The following SORCS1 variants were observed in gnomAD, a reference collection of about 807,000 sequenced individuals.
SORCS1 encodes the protein sortilin related VPS10 domain containing receptor 1, also known as VPS10 domain-containing receptor SorCS1.
A neutral mutation model predicts 146.1 loss-of-function variants in SORCS1; 60 were observed. The observed-to-expected ratio is 0.41, with a 90% CI of 0.33 to 0.51. The LOEUF (loss-of-function observed/expected upper bound fraction) is 0.51. Ranked by LOEUF, SORCS1 falls within the 20% of genes least tolerant of loss-of-function variation. The probability of loss-of-function intolerance (pLI) is 0.21; values close to 1 mark genes in which losing one functional copy is unlikely to be tolerated. For missense variants in SORCS1, 1,352 were observed against 1,487.6 expected, an observed-to-expected ratio of 0.91 and a Z score of 1.50; for synonymous variants, 637 against 584.0, an observed-to-expected ratio of 1.09 and a Z score of -1.31.
intron 3 of SORCS1, among the ~76,000 whole-genome samples, chr10:106,821,934 A>C (rs1012064114): frequency 3.3e-5 from 5 of 152,072 alleles, no homozygotes; most frequent in African/African-American, 9.7e-5. Flanking sequence ...AAAAATAAAA[A>C]AAAAAAAAAG....
At chr10:106,802,587 C>T (rs1049446540) in intron 3 of SORCS1, among the ~76,000 whole-genome samples, 1 of 152,106 alleles carries the variant, frequency 6.6e-6, no homozygotes, top group Non-Finnish European at 1.5e-5. Flanking sequence ...CAATCTCCGC[C>T]TCCCAGGTTC....
intron 1 of SORCS1, among the ~76,000 whole-genome samples, chr10:107,121,261 C>T (rs181742708): frequency 1.3e-5 from 2 of 152,168 alleles, no homozygotes; most frequent in Non-Finnish European, 2.9e-5. Flanking sequence ...AAATATAATC[C>T]CTCTCTGTCA....
rs11193224 is a variant in SORCS1 at position 107,159,031 on chromosome 10, A to C, written c.558+4938T>G. 6.0e-3 allele frequency among the ~76,000 whole-genome samples: 916 copies of C among 152,136 alleles called. 6 individuals carry two copies. The highest frequency in any genetic ancestry group is 0.011 in the Non-Finnish European group (719 of 68,014). On this transcript the variant is annotated intron_variant, in intron 1 of 25. Coordinates refer to ENST00000263054, the MANE Select transcript of SORCS1 (RefSeq NM_052918.5). Reference sequence around the variant, plus strand: ...TTTTTTGGGGGGGAAGGGGGGTCCAAAGTTAGCAAGTTCCTTAACATGAAG... The same window carrying C: ...TTTTTTGGGGGGGAAGGGGGGTCCACAGTTAGCAAGTTCCTTAACATGAAG...
intron 23 of SORCS1, 141 bp downstream of exon 23, chr10:106,607,025 C>T (rs1162185350): frequency 8.9e-7 from 1 of 1,122,372 alleles, no homozygotes; most frequent in Non-Finnish European, 1.3e-6. Context: ...ACTAATACAC[C>T]TACCATGAAT....
At chr10:106,894,270 C>CGTGTGT (rs3982431) in intron 2 of SORCS1, among the ~76,000 whole-genome samples, 164 of 141,550 alleles carry the variant, frequency 1.2e-3, no homozygotes, top group African/African-American at 2.7e-3. Context: ...CGCACGTGTG[C>CGTGTGT]GTGTGTGTGT....
chr10:106,866,888 T>G (rs1263195932), intron 2 of SORCS1, among the ~76,000 whole-genome samples: 4 of 152,222 alleles, frequency 2.6e-5, no homozygotes, highest in African/African-American at 9.6e-5. Flanking sequence ...AACACCCACA[T>G]GCAGAGATGA....
chr10:106,999,587 A>G (rs1957133010), intron 1 of SORCS1, among the ~76,000 whole-genome samples: 1 of 152,204 alleles, frequency 6.6e-6, no homozygotes, highest in South Asian at 2.1e-4. Flanking sequence ...TCACTTTGTC[A>G]GAGGAGAAAT....
At chr10:106,864,900 T>C (rs1950171215) in intron 2 of SORCS1, among the ~76,000 whole-genome samples, 1 of 151,996 alleles carries the variant, frequency 6.6e-6, no homozygotes, top group African/African-American at 2.4e-5. Context: ...TCCCTGATCC[T>C]GTTCCTCCTC....
intron 18 of SORCS1, among the ~76,000 whole-genome samples, chr10:106,648,393 T>C (rs903445604): frequency 3.3e-5 from 5 of 152,198 alleles, no homozygotes; most frequent in East Asian, 1.9e-4. Context: ...TTTATAGATA[T>C]ATCATGAACC....
chr10:107,030,047 T>C (rs1256330910), intron 1 of SORCS1, among the ~76,000 whole-genome samples: 1 of 152,092 alleles, frequency 6.6e-6, no homozygotes, highest in Non-Finnish European at 1.5e-5. Flanking sequence ...TGTCGCACAA[T>C]AACTTAGAGG....
At chr10:106,853,275 C>T (rs1228149468) in intron 2 of SORCS1, among the ~76,000 whole-genome samples, 3 of 151,948 alleles carry the variant, frequency 2.0e-5, no homozygotes, top group African/African-American at 4.8e-5. Flanking sequence ...CATAATAGTC[C>T]TTTATTGTCT....
intron 2 of SORCS1, among the ~76,000 whole-genome samples, chr10:106,955,166 G>C (rs535342563): frequency 8.5e-5 from 13 of 152,346 alleles, no homozygotes; most frequent in African/African-American, 3.1e-4. Flanking sequence ...TGACCCTTCT[G>C]GGGGCCTAGA....
chr10:107,093,264 C>T (rs1191946255), intron 1 of SORCS1, among the ~76,000 whole-genome samples: 1 of 152,160 alleles, frequency 6.6e-6, no homozygotes, highest in Non-Finnish European at 1.5e-5. Context: ...CATCCCTGGT[C>T]TGAAACATCT....
chr10:106,860,950 A>G (rs990035860), intron 2 of SORCS1, among the ~76,000 whole-genome samples: 2 of 152,190 alleles, frequency 1.3e-5, no homozygotes, highest in Non-Finnish European at 2.9e-5. Context: ...AATGCACTGT[A>G]CTTGAAATGA....
At chr10:106,688,459 G>T in intron 9 of SORCS1, 121 bp from the exon 10 acceptor site, 1 of 1,113,672 alleles carries the variant, frequency 9.0e-7, no homozygotes, top group Non-Finnish European at 1.3e-6. Flanking sequence ...GGAAAGAAAG[G>T]TTGACGATGG....
chr10:107,105,224 A>C (rs1301486348), intron 1 of SORCS1, among the ~76,000 whole-genome samples: 1 of 152,208 alleles, frequency 6.6e-6, no homozygotes, highest in Non-Finnish European at 1.5e-5. Context: ...CTGGAGGGTC[A>C]GGAGAGCCTC....
intron 1 of SORCS1, among the ~76,000 whole-genome samples, chr10:107,037,871 G>A (rs954896094): frequency 4.6e-5 from 7 of 152,330 alleles, no homozygotes; most frequent in Non-Finnish European, 1.0e-4. Context: ...CTGTTGCCAA[G>A]GCTGGAGTGT....
At position 107,164,193 on chromosome 10, in the gene SORCS1, C is replaced by T. The variant is rs755039220; in HGVS notation, c.334G>A (p.Gly112Arg). The T allele has an allele frequency of 1.2e-6, 2 of 1,611,286 alleles. No homozygotes were observed. The highest frequency in any genetic ancestry group is 4.5e-5 in the East Asian group (2 of 44,838). The change falls in exon 1 of 26, where the codon GGA becomes AGA. Residue 112 changes from glycine (G) to arginine (R), a missense_variant. By Grantham distance (125) the Gly-to-Arg change is moderately radical. Coordinates refer to ENST00000263054, the MANE Select transcript of SORCS1 (RefSeq NM_052918.5). The surrounding 1 kb of genome is among the most constrained non-coding windows in gnomAD (Gnocchi z 6.8). ...AARSGRRRRS[G>R]ADQEKAERGE... The stretch of plus-strand genomic sequence containing the variant: ...CGTTCTGCCTTCTCCTGATCCGCTC[C>T]GCTCCGTCTCCTCCGGCCGGAGCGT...
At chr10:106,785,418 G>T (rs1946011245) in intron 3 of SORCS1, among the ~76,000 whole-genome samples, 1 of 152,004 alleles carries the variant, frequency 6.6e-6, no homozygotes, top group Non-Finnish European at 1.5e-5. Context: ...TGGGTTTTTG[G>T]TATTCACTTT....
Sources: gnomAD v4.1 joint callset for allele counts (sites outside exome capture counted in the v4.1 genomes callset) on GRCh38, gnomAD v4.1.1 for gene constraint, Gnocchi (gnomAD v3.1) non-coding constraint, MANE v1.5 for transcripts, NCBI Gene and HGNC (gene_info 2026-07-23, HGNC 2026-07-21) for gene names.